Variants in ADK observed in about 807,000 individuals in gnomAD.
ADK encodes adenosine kinase.
A neutral mutation model predicts 44.7 loss-of-function variants in ADK; 24 were observed. The ratio of observed to expected loss-of-function variants is 0.54; its 90% CI spans 0.39 to 0.76. The LOEUF (loss-of-function observed/expected upper bound fraction) is 0.76, where lower values mean the gene tolerates loss of function less well. Ranked by LOEUF, ADK falls within the 30% of genes least tolerant of loss-of-function variation. The pLI, the probability that ADK is intolerant of heterozygous loss-of-function variation, is 0.00. For missense variants in ADK, 321 were observed against 425.1 expected, an observed-to-expected ratio of 0.76 and a Z score of 2.15; for synonymous variants, 128 against 142.6, an observed-to-expected ratio of 0.90 and a Z score of 0.73.
intron 6 of ADK, among the ~76,000 whole-genome samples, chr10:74,467,276 G>A (rs771758133): frequency 1.2e-4 from 18 of 152,060 alleles, no homozygotes; most frequent in Non-Finnish European, 1.6e-4. Context: ...GTTGTTACTG[G>A]TGCAAGCCTA....
rs563192278 is a variant in ADK, at chr10:74,239,135, A to G, written c.194+14544A>G. ...GTCATACTTCTACTTTCTTCTGAAT[A>G]TAATATTGTTTCTTTTTTCTCCTGC... On this transcript the variant is annotated intron_variant, in intron 3 of 10. Coordinates refer to ENST00000539909, the MANE Select transcript of ADK (RefSeq NM_006721.4). Among the ~76,000 whole-genome samples, 4 of 152,174 alleles carry G rather than the reference A, an allele frequency of 2.6e-5. No homozygotes were observed. The South Asian group carries it at 8.3e-4, about 32-fold the overall frequency.
In ADK at chr10:74,416,700, C is replaced by T. The variant is rs74472650; in HGVS notation, c.555+18121C>T. 9.4e-3 allele frequency among the ~76,000 whole-genome samples: 1,430 copies of T among 151,742 alleles called. 17 individuals are homozygous for T. Among genetic ancestry groups the T allele is most frequent in the South Asian group, 0.018 (89 of 4,822 alleles). ...TCTCAACTCTTTTCAGCTCTGCTGT[C>T]CTAACTAATCATTTTTTGTATTCAT... On this transcript the variant is annotated intron_variant, in intron 6 of 10. Transcript: ENST00000539909.
chr10:74,554,851 A>G (rs1208225184), intron 7 of ADK, among the ~76,000 whole-genome samples: 1 of 151,942 alleles, frequency 6.6e-6, no homozygotes, highest in Non-Finnish European at 1.5e-5. Context: ...TTCTTCATTT[A>G]TTTATAAAAA....
intron 3 of ADK, among the ~76,000 whole-genome samples, chr10:74,288,258 C>T (rs764909116): frequency 9.2e-5 from 14 of 152,064 alleles, no homozygotes; most frequent in Non-Finnish European, 1.8e-4. Flanking sequence ...TGAATCATGA[C>T]TCAGAAAATG....
At chr10:74,173,088 G>GT (rs991330378) in intron 1 of ADK, among the ~76,000 whole-genome samples, 2,646 of 144,744 alleles carry the variant, frequency 0.018, 22 homozygotes, top group Non-Finnish European at 0.026. Flanking sequence ...ATCAAAATTA[G>GT]TTTTTTTTTT....
chr10:74,442,611 A>G (rs1022510442), intron 6 of ADK, among the ~76,000 whole-genome samples: 5 of 152,194 alleles, frequency 3.3e-5, no homozygotes, highest in Admixed American at 1.3e-4. Context: ...ATGCCACTGC[A>G]CTCCAGCCTG....
chr10:74,176,960 C>G (rs1842365180), intron 1 of ADK: 1 of 1,589,210 alleles, frequency 6.3e-7, no homozygotes. Flanking sequence ...ACTGTCGCTC[C>G]TTCTCGCGGG....
intron 9 of ADK, among the ~76,000 whole-genome samples, chr10:74,602,412 G>A (rs1211356444): frequency 3.9e-5 from 6 of 152,058 alleles, no homozygotes; most frequent in Admixed American, 2.0e-4. Flanking sequence ...ATATTCTTTG[G>A]TTGCTCTTTG....
Position 74,500,338 on chromosome 10 carries a change from G to A in ADK, c.556-24918G>A, listed in dbSNP as rs576450535. Among the ~76,000 whole-genome samples, 33 of 152,196 alleles carry A rather than the reference G, an allele frequency of 2.2e-4. No individual in the cohort carries two copies. The South Asian group carries it at 2.5e-3, about 11-fold the overall frequency. On this transcript the variant is annotated intron_variant, in intron 6 of 10. Transcript: ENST00000539909. ...AGTAGGCCTCCTTTTTGCCATCTTC[G>A]TGAAGATTCTGAATTTTCCTGGATG...
intron 6 of ADK, among the ~76,000 whole-genome samples, chr10:74,455,893 T>G (rs1173322019): frequency 6.6e-6 from 1 of 152,208 alleles, no homozygotes; most frequent in African/African-American, 2.4e-5. Flanking sequence ...GGCTTCACTT[T>G]GTGGGTAACC....
chr10:74,688,589 T>C (rs1855872268), intron 10 of ADK, among the ~76,000 whole-genome samples: 1 of 152,124 alleles, frequency 6.6e-6, no homozygotes, highest in African/African-American at 2.4e-5. Flanking sequence ...GAGTAGGCCA[T>C]ACTTTAGGAT....
intron 4 of ADK, among the ~76,000 whole-genome samples, chr10:74,393,018 A>G (rs906655832): frequency 6.6e-6 from 1 of 152,096 alleles, no homozygotes; most frequent in Non-Finnish European, 1.5e-5. Flanking sequence ...TAACATCTCA[A>G]TACTTATATA....
intron 6 of ADK, among the ~76,000 whole-genome samples, chr10:74,456,130 C>T (rs762942551): frequency 3.3e-5 from 5 of 151,972 alleles, no homozygotes; most frequent in Admixed American, 6.5e-5. Flanking sequence ...GACAGATCAA[C>T]GAGACAGAAA....
intron 10 of ADK, among the ~76,000 whole-genome samples, chr10:74,683,766 A>G (rs147356045): frequency 3.3e-5 from 5 of 152,382 alleles, no homozygotes; most frequent in Non-Finnish European, 7.3e-5. Context: ...GGGATAAAAT[A>G]CTTTCTACAT....
intron 3 of ADK, among the ~76,000 whole-genome samples, chr10:74,306,116 A>T (rs1007406939): frequency 3.3e-5 from 5 of 151,430 alleles, no homozygotes; most frequent in African/African-American, 1.2e-4. Flanking sequence ...GTATTGTCCT[A>T]TAGGTCTGAG....
chr10:74,469,420 G>A (rs1015559905), intron 6 of ADK, among the ~76,000 whole-genome samples: 4 of 152,172 alleles, frequency 2.6e-5, no homozygotes, highest in Admixed American at 1.3e-4. Flanking sequence ...GAGTGTAGTA[G>A]TGCATAGCAT....
At chr10:74,613,898 A>T (rs896527235) in intron 9 of ADK, among the ~76,000 whole-genome samples, 3 of 152,122 alleles carry the variant, frequency 2.0e-5, no homozygotes, top group Admixed American at 1.3e-4. Flanking sequence ...TAGATTGGTG[A>T]TGGTAAAGAT....
At chr10:74,464,150 C>T (rs1589136443) in intron 6 of ADK, among the ~76,000 whole-genome samples, 1 of 152,018 alleles carries the variant, frequency 6.6e-6, no homozygotes, top group African/African-American at 2.4e-5. Context: ...ACACATAAGA[C>T]ATACCGTATA....
Position 74,560,185 on chromosome 10 carries a change from C to A in ADK, c.727-29097C>A, listed in dbSNP as rs554806414. On this transcript the variant is annotated intron_variant, in intron 7 of 10. Transcript: ENST00000539909. ...CCTCCCTCCTTGGCCTCCCAAAGTT[C>A]TGGGATTGCAGGCATGAGCCACCAT... Among the ~76,000 whole-genome samples the A allele has an allele frequency of 5.9e-5, 9 of 152,314 alleles. No individual in the cohort carries two copies. The East Asian group carries it at 1.5e-3, about 26-fold the overall frequency.
Sources: allele counts gnomAD v4.1 joint callset (sites outside exome capture counted in the v4.1 genomes callset), GRCh38; gene constraint gnomAD v4.1.1; transcripts MANE v1.5; gene names NCBI Gene and HGNC (gene_info 2026-07-23, HGNC 2026-07-21).